Variants in CCSER1 observed in about 807,000 individuals in gnomAD.
The protein encoded by CCSER1 is coiled-coil serine rich protein 1.
A neutral mutation model predicts 82.0 loss-of-function variants in CCSER1; 41 were observed. That is an observed-to-expected ratio of 0.50 (90% confidence interval 0.39 to 0.65). The LOEUF (loss-of-function observed/expected upper bound fraction) is 0.65, where lower values mean the gene tolerates loss of function less well. Among genes scored for constraint, CCSER1 ranks in the 30% least tolerant of loss-of-function variants. The probability of loss-of-function intolerance (pLI) is 0.00; values close to 1 mark genes in which losing one functional copy is unlikely to be tolerated. For missense variants in CCSER1, 1,119 were observed against 1,064.2 expected, an observed-to-expected ratio of 1.05 and a Z score of -0.72; for synonymous variants, 414 against 383.9, an observed-to-expected ratio of 1.08 and a Z score of -0.92.
intron 5 of CCSER1, among the ~76,000 whole-genome samples, chr4:90,513,009 A>G (rs1771766640): frequency 6.6e-6 from 1 of 152,186 alleles, no homozygotes; most frequent in Middle Eastern, 3.2e-3. Flanking sequence ...AAGATTCACA[A>G]GCAAAGCCGC....
intron 10 of CCSER1, among the ~76,000 whole-genome samples, chr4:91,154,972 C>A (rs1316762487): frequency 6.6e-6 from 1 of 151,594 alleles, no homozygotes; most frequent in African/African-American, 2.4e-5. Context: ...AGAATTCAAT[C>A]TCAAGCAATT....
intron 9 of CCSER1, among the ~76,000 whole-genome samples, chr4:90,944,357 ACT>A (rs1301719063): frequency 6.6e-6 from 1 of 152,128 alleles, no homozygotes; most frequent in Non-Finnish European, 1.5e-5. Flanking sequence ...GTCAAATTAG[ACT>A]CATACCAATC....
intron 10 of CCSER1, among the ~76,000 whole-genome samples, chr4:91,394,519 A>G (rs1460073355): frequency 2.0e-5 from 3 of 152,106 alleles, no homozygotes; most frequent in Non-Finnish European, 4.4e-5. Flanking sequence ...TTGAATATAC[A>G]AAGGGCATTT....
chr4:91,579,668 C>A (rs1451497950), intron 10 of CCSER1, among the ~76,000 whole-genome samples: 5 of 151,538 alleles, frequency 3.3e-5, no homozygotes, highest in Admixed American at 1.3e-4. Context: ...TTTCCTAAAC[C>A]CTAAATAGCC....
chr4:90,797,548 T>A (rs1232567119), intron 7 of CCSER1, among the ~76,000 whole-genome samples: 1 of 152,184 alleles, frequency 6.6e-6, no homozygotes, highest in Non-Finnish European at 1.5e-5. Flanking sequence ...TGCTACTTGT[T>A]TATGTGGTTG....
At chr4:90,455,834 T>C (rs1033211130) in intron 4 of CCSER1, among the ~76,000 whole-genome samples, 3 of 152,168 alleles carry the variant, frequency 2.0e-5, no homozygotes, top group Non-Finnish European at 4.4e-5. Context: ...GAGGGCCTAG[T>C]TGGCAGGAGT....
intron 3 of CCSER1, among the ~76,000 whole-genome samples, chr4:90,383,283 A>G (rs1366936433): frequency 6.6e-6 from 1 of 152,204 alleles, no homozygotes; most frequent in Non-Finnish European, 1.5e-5. Context: ...ACAGTAAAGT[A>G]TCATTTGAAT....
intron 8 of CCSER1, among the ~76,000 whole-genome samples, chr4:90,864,443 T>C (rs1176081578): frequency 6.6e-6 from 1 of 151,916 alleles, no homozygotes; most frequent in Non-Finnish European, 1.5e-5. Context: ...AGGAGTAAGT[T>C]CGCTATCTAA....
At chr4:90,868,487 A>T (rs1329282065) in intron 8 of CCSER1, among the ~76,000 whole-genome samples, 1 of 152,056 alleles carries the variant, frequency 6.6e-6, no homozygotes, top group East Asian at 1.9e-4. Context: ...TTCATTTAAC[A>T]TGATGACCTC....
At chr4:91,050,445 TG>T (rs1742906094) in intron 9 of CCSER1, among the ~76,000 whole-genome samples, 1 of 133,426 alleles carries the variant, frequency 7.5e-6, no homozygotes. Context: ...AAAAAAAAAA[TG>T]CATAGACTAA....
intron 10 of CCSER1, among the ~76,000 whole-genome samples, chr4:91,451,499 A>G (rs897833884): frequency 5.5e-4 from 84 of 152,006 alleles, no homozygotes; most frequent in African/African-American, 2.0e-3. Context: ...ATTGTTGAAC[A>G]TTCAAAGAAG....
At chr4:91,193,525 T>G (rs1735169660) in intron 10 of CCSER1, among the ~76,000 whole-genome samples, 1 of 152,106 alleles carries the variant, frequency 6.6e-6, no homozygotes, top group Admixed American at 6.6e-5. Flanking sequence ...ACTAAATATA[T>G]TTATAATAAT....
chr4:91,498,324 T>G (rs1303601358), intron 10 of CCSER1, among the ~76,000 whole-genome samples: 2 of 152,070 alleles, frequency 1.3e-5, no homozygotes, highest in East Asian at 3.9e-4. Context: ...ACACTGTATA[T>G]TATCCCTCCG....
chr4:91,016,972 G>T (rs1739483394), intron 9 of CCSER1, among the ~76,000 whole-genome samples: 1 of 152,026 alleles, frequency 6.6e-6, no homozygotes, highest in African/African-American at 2.4e-5. Flanking sequence ...GTAGAATACA[G>T]GAAGGAATAA....
At chr4:90,659,941 T>C (rs1730442220) in intron 6 of CCSER1, among the ~76,000 whole-genome samples, 1 of 152,010 alleles carries the variant, frequency 6.6e-6, no homozygotes, top group African/African-American at 2.4e-5. Flanking sequence ...CTTATTTGTG[T>C]CATTTGCACA....
At chr4:91,497,264 A>G (rs1382438419) in intron 10 of CCSER1, among the ~76,000 whole-genome samples, 1 of 151,728 alleles carries the variant, frequency 6.6e-6, no homozygotes, top group Non-Finnish European at 1.5e-5. Flanking sequence ...ATGTAAAAAA[A>G]GCGTTTAGAA....
At chr4:91,179,100 C>A (rs544432223) in intron 10 of CCSER1, among the ~76,000 whole-genome samples, 5 of 152,142 alleles carry the variant, frequency 3.3e-5, no homozygotes, top group African/African-American at 7.2e-5. Flanking sequence ...GCTGAAAATT[C>A]TTTTCTTTAT....
At chr4:90,169,219 T>C (rs999299315) in intron 1 of CCSER1, among the ~76,000 whole-genome samples, 6 of 152,054 alleles carry the variant, frequency 3.9e-5, no homozygotes, top group Non-Finnish European at 8.8e-5. Context: ...CTCCTAGGTA[T>C]TTTATTCTCT....
At chr4:91,316,996 TTAATAA>T (rs1012144058) in intron 10 of CCSER1, among the ~76,000 whole-genome samples, 2 of 151,916 alleles carry the variant, frequency 1.3e-5, no homozygotes, top group African/African-American at 4.8e-5. Flanking sequence ...GTGACTACAG[TTAATAA>T]TAATGTATTG....
Sources: gnomAD v4.1 joint callset for allele counts (sites outside exome capture counted in the v4.1 genomes callset) on GRCh38, gnomAD v4.1.1 for gene constraint, MANE v1.5 for transcripts, NCBI Gene and HGNC (gene_info 2026-07-23, HGNC 2026-07-21) for gene names.